The following TAFA1 variants were observed in gnomAD, a reference collection of about 807,000 sequenced individuals.
The protein encoded by TAFA1 is chemokine-like protein TAFA-1.
In TAFA1, 4 loss-of-function variants were observed where a neutral mutation model predicts 18.5. That is an observed-to-expected ratio of 0.22 (90% CI 0.11 to 0.49). The LOEUF is 0.49. Ranked by LOEUF, TAFA1 falls within the 20% of genes least tolerant of loss-of-function variation. The pLI, the probability that TAFA1 is intolerant of heterozygous loss-of-function variation, is 0.98. For missense variants in TAFA1, 147 were observed against 169.0 expected (o/e 0.87, Z 0.72); for synonymous variants, 56 against 55.2 (o/e 1.01, Z -0.06).
intron 2 of TAFA1, among the ~76,000 whole-genome samples, chr3:68,289,899 T>A (rs557067430): frequency 1.3e-5 from 2 of 152,296 alleles, no homozygotes; most frequent in Admixed American, 6.5e-5. Context: ...TAAGTGGAAA[T>A]GAATGAATGG....
chr3:68,251,085 AAC>A (rs199880632), intron 2 of TAFA1, among the ~76,000 whole-genome samples: 1 of 147,076 alleles, frequency 6.8e-6, no homozygotes, highest in Non-Finnish European at 1.5e-5. Context: ...AAGAAAAAAA[AAC>A]CAAAATAAAT....
intron 3 of TAFA1, among the ~76,000 whole-genome samples, chr3:68,522,797 C>T (rs917769447): frequency 5.3e-5 from 8 of 150,688 alleles, no homozygotes; most frequent in South Asian, 2.1e-4. Flanking sequence ...TGCAGTAAGC[C>T]GAGATCATAC....
chr3:68,063,432 G>T (rs1481877911), intron 2 of TAFA1, among the ~76,000 whole-genome samples: 1 of 152,130 alleles, frequency 6.6e-6, no homozygotes, highest in Non-Finnish European at 1.5e-5. Flanking sequence ...TTAGAAAAAA[G>T]TTTGCGCATG....
intron 2 of TAFA1, among the ~76,000 whole-genome samples, chr3:68,348,058 A>G (rs2069196104): frequency 6.6e-6 from 1 of 152,074 alleles, no homozygotes. Flanking sequence ...GCCTTTTCAT[A>G]CCTTATCTGT....
At chr3:68,291,394 C>G (rs1029495733) in intron 2 of TAFA1, among the ~76,000 whole-genome samples, 6 of 152,030 alleles carry the variant, frequency 3.9e-5, no homozygotes, top group African/African-American at 1.4e-4. Context: ...TTGTTAAACC[C>G]TTTACAGGAA....
chr3:68,252,078 C>G (rs746138599), intron 2 of TAFA1, among the ~76,000 whole-genome samples: 1 of 152,270 alleles, frequency 6.6e-6, no homozygotes, highest in East Asian at 1.9e-4. Flanking sequence ...AATGAGATCT[C>G]TTTGAGATCT....
At chr3:68,157,840 A>G (rs995177082) in intron 2 of TAFA1, among the ~76,000 whole-genome samples, 7 of 152,250 alleles carry the variant, frequency 4.6e-5, no homozygotes, top group African/African-American at 1.7e-4. Context: ...TATTATTAAC[A>G]AAAATAAGTC....
chr3:68,011,789 C>T (rs573423919), intron 2 of TAFA1, among the ~76,000 whole-genome samples: 91 of 152,312 alleles, frequency 6.0e-4, no homozygotes, highest in African/African-American at 2.1e-3. Flanking sequence ...CATCGATCAT[C>T]TGATTGATCC....
intron 2 of TAFA1, among the ~76,000 whole-genome samples, chr3:68,069,085 T>A (rs774899167): frequency 1.3e-5 from 2 of 152,198 alleles, no homozygotes; most frequent in African/African-American, 4.8e-5. Context: ...AACATTGTAA[T>A]GAAGGTGTTG....
intron 2 of TAFA1, among the ~76,000 whole-genome samples, chr3:68,253,547 T>G (rs1217720839): frequency 6.6e-6 from 1 of 152,190 alleles, no homozygotes; most frequent in Non-Finnish European, 1.5e-5. Context: ...TCTAACCCTT[T>G]GCATTGCTGT....
intron 2 of TAFA1, among the ~76,000 whole-genome samples, chr3:68,385,816 T>C (rs558034242): frequency 2.6e-5 from 4 of 152,050 alleles, no homozygotes; most frequent in Non-Finnish European, 5.9e-5. Context: ...TGAAATACAA[T>C]TGTACGTATT....
At chr3:68,131,687 A>G (rs2065539682) in intron 2 of TAFA1, among the ~76,000 whole-genome samples, 1 of 152,200 alleles carries the variant, frequency 6.6e-6, no homozygotes, top group Admixed American at 6.5e-5. Context: ...GCATACAGCC[A>G]TCAGCGTTCA....
Position 68,419,697 on chromosome 3 carries a change from C to G in TAFA1, c.259+2277C>G, listed in dbSNP as rs182682591. ...TGGCTTGGTGTTCATTGTTCTTCCT[C>G]TAGATATAGATAAGGAAGGACAACC... On this transcript the variant is annotated intron_variant, in intron 3 of 4. Coordinates refer to ENST00000478136, the MANE Select transcript of TAFA1 (RefSeq NM_213609.4). 1.9e-3 allele frequency among the ~76,000 whole-genome samples: 290 copies of G among 152,214 alleles called. 8 individuals carry two copies. Among genetic ancestry groups the G allele is most frequent in the Non-Finnish European group, 2.2e-4 (15 of 68,016 alleles).
chr3:68,105,365 C>A (rs1055203014), intron 2 of TAFA1, among the ~76,000 whole-genome samples: 2 of 152,048 alleles, frequency 1.3e-5, no homozygotes, highest in Admixed American at 6.6e-5. Context: ...GAAACACAGT[C>A]GTGTCAAAAT....
At chr3:68,086,700 G>A (rs2064974454) in intron 2 of TAFA1, among the ~76,000 whole-genome samples, 1 of 152,144 alleles carries the variant, frequency 6.6e-6, no homozygotes, top group South Asian at 2.1e-4. Flanking sequence ...AATGGTGATA[G>A]CAGCTTTTGC....
rs559549103 is a variant in TAFA1, at chr3:68,165,079, C to A, written c.118+158335C>A. On this transcript the variant is annotated intron_variant, in intron 2 of 4. Coordinates refer to ENST00000478136, the MANE Select transcript of TAFA1 (RefSeq NM_213609.4). ...GGATAAAGTTCAGGCCAAGGGACAG[C>A]AACCCAAAAGAGAATCTGAAAATAA... Among the ~76,000 whole-genome samples the A allele has an allele frequency of 3.0e-4, 45 of 152,292 alleles. 1 individual carries two copies. In the East Asian group the frequency reaches 6.8e-3, roughly 23 times the overall value.
chr3:68,454,816 C>T (rs1460460435), intron 3 of TAFA1, among the ~76,000 whole-genome samples: 1 of 152,122 alleles, frequency 6.6e-6, no homozygotes, highest in Non-Finnish European at 1.5e-5. Context: ...ATTCAGTAGG[C>T]TAGGGTGGCA....
chr3:68,522,038 G>T (rs1367406057), intron 3 of TAFA1, among the ~76,000 whole-genome samples: 1 of 150,760 alleles, frequency 6.6e-6, no homozygotes, highest in Non-Finnish European at 1.5e-5. Flanking sequence ...TCATAGATGG[G>T]GTCTCGCTTT....
chr3:68,000,698 G>A (rs951651291), upstream of TAFA1, among the ~76,000 whole-genome samples: 1 of 152,204 alleles, frequency 6.6e-6, no homozygotes, highest in African/African-American at 2.4e-5. Context: ...AGACACAGGT[G>A]GGAGGTACAT....
Sources: allele counts gnomAD v4.1 joint callset (sites outside exome capture counted in the v4.1 genomes callset), GRCh38; gene constraint gnomAD v4.1.1; transcripts MANE v1.5; gene names NCBI Gene and HGNC (gene_info 2026-07-23, HGNC 2026-07-21).